EYA3: variants seen among roughly 807,000 people sequenced by gnomAD.
EYA3 encodes the protein protein phosphatase EYA3.
Under a neutral mutation model 80.0 loss-of-function variants are expected in EYA3, and 39 were observed. The ratio of observed to expected loss-of-function variants is 0.49; its 90% CI spans 0.38 to 0.64. The LOEUF is 0.64. Among genes scored for constraint, EYA3 ranks in the 30% least tolerant of loss-of-function variants. EYA3 has a pLI of 0.00. For synonymous variants in EYA3, 206 were observed against 232.8 expected, an observed-to-expected ratio of 0.88 and a Z score of 1.05; for missense variants, 523 against 676.1, an observed-to-expected ratio of 0.77 and a Z score of 2.51.
intron 13 of EYA3, among the ~76,000 whole-genome samples, chr1:27,996,547 G>A: frequency 6.6e-6 from 1 of 152,200 alleles, no homozygotes. Flanking sequence ...ACTGGATGCT[G>A]TACCTGAAAG....
chr1:28,082,243 G>A (rs374609383), intron 1 of EYA3, among the ~76,000 whole-genome samples: 5 of 152,112 alleles, frequency 3.3e-5, no homozygotes, highest in South Asian at 2.1e-4. Flanking sequence ...CAGATTCTAC[G>A]ATTCTCGACT....
intron 8 of EYA3, among the ~76,000 whole-genome samples, chr1:28,015,454 G>A (rs139899544): frequency 3.3e-5 from 5 of 152,138 alleles, no homozygotes; most frequent in African/African-American, 7.2e-5. Flanking sequence ...GCGTGAACCC[G>A]GGAGGCGGAG....
At chr1:28,050,542 C>T (rs10902684) in intron 2 of EYA3, among the ~76,000 whole-genome samples, 39,324 of 151,774 alleles carry the variant, frequency 0.26, 5,140 homozygotes, top group Non-Finnish European at 0.28. Context: ...TGCTTCTTTA[C>T]GCTCCTTCAT....
At chr1:28,066,066 A>G (rs1334451490) in intron 1 of EYA3, among the ~76,000 whole-genome samples, 3 of 152,120 alleles carry the variant, frequency 2.0e-5, no homozygotes, top group African/African-American at 7.2e-5. Flanking sequence ...ACCTCAACAA[A>G]TGATCTGATA....
chr1:28,077,639 A>G (rs772174213), intron 1 of EYA3, among the ~76,000 whole-genome samples: 30 of 150,064 alleles, frequency 2.0e-4, no homozygotes, highest in Non-Finnish European at 4.0e-4. Context: ...AAGTGACATG[A>G]AAAAAAAACA....
At chr1:28,065,490 C>T (rs1287200516) in intron 1 of EYA3, among the ~76,000 whole-genome samples, 2 of 151,666 alleles carry the variant, frequency 1.3e-5, no homozygotes, top group Admixed American at 1.3e-4. Context: ...CCAGGATAGT[C>T]TGGATCATGA....
intron 17 of EYA3, among the ~76,000 whole-genome samples, chr1:27,975,467 C>T (rs1190178648): frequency 6.6e-6 from 1 of 151,126 alleles, no homozygotes; most frequent in South Asian, 2.1e-4. Context: ...CAGGCATGAG[C>T]CACTGTGCCT....
chr1:28,034,625 C>A (rs1231043314), intron 6 of EYA3, among the ~76,000 whole-genome samples: 2 of 152,010 alleles, frequency 1.3e-5, no homozygotes, highest in Admixed American at 6.6e-5. Flanking sequence ...TTCTAACAAG[C>A]CTAAAAGTAA....
intron 2 of EYA3, 27 bp downstream of exon 2, chr1:28,057,967 C>T: frequency 2.0e-6 from 3 of 1,477,182 alleles, no homozygotes; most frequent in Non-Finnish European, 1.9e-6. Context: ...CTACAATCAA[C>T]TTTAAACTGT....
Position 28,011,089 on chromosome 1 carries a change from G to C in EYA3, c.770-3C>G. ...AGATGGACTTGTAGAAGGGTCTCCT[G>C]GAAAGAAAAAGTGAAACATATGTTG... On this transcript the variant is annotated splice_region_variant and splice_polypyrimidine_tract_variant and intron_variant, in intron 9 of 17. Coordinates refer to ENST00000373871, the MANE Select transcript of EYA3 (RefSeq NM_001990.4). 6.2e-7 allele frequency: 1 copy of C among 1,609,898 alleles called. No individual in the cohort carries two copies. Among genetic ancestry groups the C allele is most frequent in the Non-Finnish European group, 8.5e-7 (1 of 1,178,786 alleles).
chr1:28,039,101 T>TA (rs1309333839), intron 4 of EYA3, among the ~76,000 whole-genome samples, 196 bp from the exon 5 acceptor site: 2 of 152,114 alleles, frequency 1.3e-5, no homozygotes, highest in Non-Finnish European at 2.9e-5. Context: ...CAGAGGCAGT[T>TA]AAAAAAAGAA....
intron 1 of EYA3, among the ~76,000 whole-genome samples, chr1:28,072,834 C>T (rs1451114280): frequency 6.6e-6 from 1 of 151,696 alleles, no homozygotes; most frequent in East Asian, 1.9e-4. Flanking sequence ...AACTCAAATG[C>T]CCTTCAAACT....
chr1:27,975,779 C>T (rs1343158611), intron 17 of EYA3, among the ~76,000 whole-genome samples: 2 of 151,610 alleles, frequency 1.3e-5, no homozygotes, highest in Non-Finnish European at 2.9e-5. Flanking sequence ...CCACCGTGCC[C>T]GGCCGATATT....
At chr1:28,045,695 G>A (rs758390851) in intron 3 of EYA3, among the ~76,000 whole-genome samples, 1 of 151,920 alleles carries the variant, frequency 6.6e-6, no homozygotes. Flanking sequence ...ATGACATACT[G>A]CCTCAAAATA....
At chr1:28,068,448 A>G (rs1644910786) in intron 1 of EYA3, among the ~76,000 whole-genome samples, 1 of 151,920 alleles carries the variant, frequency 6.6e-6, no homozygotes, top group Admixed American at 6.6e-5. Flanking sequence ...ATATAACATC[A>G]TGTTCTTAAC....
intron 1 of EYA3, among the ~76,000 whole-genome samples, chr1:28,059,953 A>C (rs1227033309): frequency 1.3e-5 from 2 of 152,140 alleles, no homozygotes; most frequent in African/African-American, 4.8e-5. Context: ...TCCTGACGTC[A>C]GGTGATCTGC....
chr1:28,055,840 G>C (rs1644419516), intron 2 of EYA3, among the ~76,000 whole-genome samples: 1 of 152,128 alleles, frequency 6.6e-6, no homozygotes, highest in South Asian at 2.1e-4. Context: ...ATTCAATAAG[G>C]AAGAGTCAAG....
intron 2 of EYA3, among the ~76,000 whole-genome samples, chr1:28,049,510 G>A (rs1644159883): frequency 6.6e-6 from 1 of 152,106 alleles, no homozygotes; most frequent in Non-Finnish European, 1.5e-5. Flanking sequence ...GATTAAGCAT[G>A]ACATTAAATC....
At chr1:28,017,292 A>G (rs1050022945) in intron 7 of EYA3, 53 bp from the exon 8 acceptor site, 3 of 1,330,198 alleles carry the variant, frequency 2.3e-6, no homozygotes, top group South Asian at 2.4e-5. Context: ...AAAAGGTTAG[A>G]AGAAACTGAA....
Sources: allele counts gnomAD v4.1 joint callset (sites outside exome capture counted in the v4.1 genomes callset), GRCh38; gene constraint gnomAD v4.1.1; transcripts MANE v1.5; gene names NCBI Gene and HGNC (gene_info 2026-07-23, HGNC 2026-07-21).